PICALM: variants seen among roughly 807,000 people sequenced by gnomAD.
PICALM encodes the protein phosphatidylinositol-binding clathrin assembly protein.
PICALM carries 40 observed loss-of-function variants against 80.5 expected under a neutral mutation model. The ratio of observed to expected loss-of-function variants is 0.50; its 90% confidence interval spans 0.39 to 0.65. The LOEUF is 0.65. Ranked by LOEUF, PICALM falls within the 30% of genes least tolerant of loss-of-function variation. The probability of loss-of-function intolerance (pLI) is 0.00; values close to 1 mark genes in which losing one functional copy is unlikely to be tolerated. For synonymous variants in PICALM, 288 were observed against 260.3 expected (o/e 1.11, Z -1.02); for missense variants, 676 against 778.9 (o/e 0.87, Z 1.57).
intron 4 of PICALM, among the ~76,000 whole-genome samples, chr11:86,021,339 A>G (rs1191946415): frequency 1.3e-5 from 2 of 152,140 alleles, no homozygotes; most frequent in Non-Finnish European, 2.9e-5. Context: ...AATAAAAAAT[A>G]AAAACAGGGC....
At chr11:86,009,692 C>T (rs571598041) in intron 7 of PICALM, among the ~76,000 whole-genome samples, 123 of 150,916 alleles carry the variant, frequency 8.2e-4, no homozygotes, top group African/African-American at 3.0e-3. Context: ...GACTTCATCT[C>T]AAAAACAAAC....
intron 3 of PICALM, among the ~76,000 whole-genome samples, chr11:86,024,589 G>C (rs1267402577): frequency 6.6e-6 from 1 of 151,416 alleles, no homozygotes; most frequent in Non-Finnish European, 1.5e-5. Flanking sequence ...ATGCTTTCCT[G>C]GTAACACATA....
chr11:86,020,337 C>T (rs1468800382), intron 4 of PICALM, among the ~76,000 whole-genome samples: 1 of 150,252 alleles, frequency 6.7e-6, no homozygotes, highest in Non-Finnish European at 1.5e-5. Flanking sequence ...CACAAAATCC[C>T]AGCTATCTTT....
rs138656551 is a variant in PICALM, at chr11:86,003,302, G to A, written c.893+64C>T. 9.2e-6 allele frequency: 8 copies of A among 865,328 alleles called. No individual in the cohort carries two copies. The African/African-American group carries it at 1.3e-4, about 14-fold the overall frequency. 53.6% of individuals were successfully genotyped at this position (865,328 alleles called of 1,614,324 possible). ...AGAAATTAAACAGCTTGGAACTTGA[G>A]CTGGTTTCATCTACTGCCTCAGAAA... On this transcript the variant is annotated intron_variant, in intron 9 of 19. Transcript: ENST00000393346.
At chr11:85,965,802 A>ATTTTTTTTTTTTTTTT (rs1202220050) in intron 19 of PICALM, among the ~76,000 whole-genome samples, 1 of 105,758 alleles carries the variant, frequency 9.5e-6, no homozygotes, top group African/African-American at 3.6e-5. Flanking sequence ...TGCATTACCC[A>ATTTTTTTTTTTTTTTT]TTTTGTTTTT....
intron 12 of PICALM, among the ~76,000 whole-genome samples, chr11:85,990,761 G>A (rs2094745117): frequency 6.6e-6 from 1 of 152,064 alleles, no homozygotes. Flanking sequence ...GTGTTTACTT[G>A]AATAATTGAT....
rs1593400702 is a variant in PICALM, at chr11:86,053,939, A to T, written c.130+14712T>A. On this transcript the variant is annotated intron_variant, in intron 1 of 19. Coordinates refer to ENST00000393346, the MANE Select transcript of PICALM (RefSeq NM_007166.4). The stretch of plus-strand genomic sequence containing the variant: ...ACAAGTGACAATATATCATTTTCAG[A>T]TATATAAAAGTCACTAATTAAATCA... 2.0e-5 allele frequency among the ~76,000 whole-genome samples: 3 copies of T among 152,294 alleles called. 1 individual carries two copies. In the South Asian group the frequency reaches 6.2e-4, roughly 32 times the overall value.
chr11:86,039,172 A>C (rs2095901565), intron 1 of PICALM, among the ~76,000 whole-genome samples: 1 of 151,978 alleles, frequency 6.6e-6, no homozygotes, highest in Non-Finnish European at 1.5e-5. Flanking sequence ...TAGATATGCT[A>C]TTTCTGTCAC....
intron 1 of PICALM, among the ~76,000 whole-genome samples, chr11:86,046,017 TG>T (rs1218073340): frequency 6.6e-6 from 1 of 152,216 alleles, no homozygotes; most frequent in Non-Finnish European, 1.5e-5. Flanking sequence ...CCAGAGTGAC[TG>T]GGATTGGCAG....
In PICALM at chr11:86,013,923, T is replaced by A. The variant is rs139121349; in HGVS notation, c.546+947A>T. 2.6e-5 allele frequency among the ~76,000 whole-genome samples: 4 copies of A among 152,314 alleles called. No individual in the cohort carries two copies. The East Asian group carries it at 7.7e-4, about 29-fold the overall frequency. Reference sequence around the variant, plus strand: ...GAGCTTGGCTGTGTTCCAATAATACTATTGAGGACACTGAAGTTGGAATTT... The same window carrying A: ...GAGCTTGGCTGTGTTCCAATAATACAATTGAGGACACTGAAGTTGGAATTT... On this transcript the variant is annotated intron_variant, in intron 5 of 19. Transcript: ENST00000393346.
At chr11:85,976,940 C>T (rs1362217353) in intron 17 of PICALM, 1 of 272,106 alleles carries the variant, frequency 3.7e-6, no homozygotes, top group East Asian at 6.2e-5. Flanking sequence ...TTTCATCATG[C>T]TTTTTACAGC....
chr11:86,010,731 T>C (rs114579186), intron 7 of PICALM, among the ~76,000 whole-genome samples: 4 of 152,346 alleles, frequency 2.6e-5, no homozygotes, highest in African/African-American at 9.6e-5. Context: ...AATATATGGT[T>C]CATTCCAACC....
At chr11:85,982,127 T>C (rs1222713582) in intron 14 of PICALM, 124 bp from the exon 15 acceptor site, 1 of 775,544 alleles carries the variant, frequency 1.3e-6, no homozygotes, top group Non-Finnish European at 2.2e-6. Context: ...AAAATAGACA[T>C]TAGTAAATGT....
chr11:86,014,618 G>T (rs1198772517), intron 5 of PICALM, among the ~76,000 whole-genome samples: 6 of 152,106 alleles, frequency 3.9e-5, no homozygotes, highest in African/African-American at 1.2e-4. Context: ...TATATTTTCA[G>T]ATCAATCCTT....
rs560869542 is a variant in PICALM, at chr11:86,046,683, G to C, written c.131-15072C>G. Among the ~76,000 whole-genome samples, 23 of 152,250 alleles carry C rather than the reference G, an allele frequency of 1.5e-4. No homozygotes were observed. The East Asian group carries it at 4.3e-3, about 28-fold the overall frequency. ...CATAGATCCTTGCACTCAATCTTAA[G>C]AGTGGCAAAATCTTTATAATGCACA... On this transcript the variant is annotated intron_variant, in intron 1 of 19. Coordinates refer to ENST00000393346, the MANE Select transcript of PICALM (RefSeq NM_007166.4).
chr11:85,957,527 T>C lies in PICALM; in HGVS notation c.*1519A>G, dbSNP rs1264417164. Among the ~76,000 whole-genome samples the C allele has an allele frequency of 6.6e-6, 1 of 152,194 alleles. No individual in the cohort carries two copies. The highest frequency in any genetic ancestry group is 2.4e-5 in the African/African-American group (1 of 41,448). The stretch of plus-strand genomic sequence containing the variant: ...AGGTAACAAAAAGTGTAAAGAGACA[T>C]CTTTTTGAAAATTCATATAAAACAA... On this transcript the variant is annotated 3_prime_UTR_variant, in exon 20 of 20. Transcript: ENST00000393346.
intron 19 of PICALM, among the ~76,000 whole-genome samples, chr11:85,971,062 A>G (rs1261323711): frequency 6.6e-6 from 1 of 152,226 alleles, no homozygotes; most frequent in African/African-American, 2.4e-5. Flanking sequence ...CATGCAGAAC[A>G]AAGGAATTAC....
intron 4 of PICALM, among the ~76,000 whole-genome samples, chr11:86,016,826 G>A (rs2095487677): frequency 6.6e-6 from 1 of 152,114 alleles, no homozygotes; most frequent in Non-Finnish European, 1.5e-5. Flanking sequence ...AAACACATAA[G>A]CTCTCAGCTC....
At chr11:85,994,652 A>C (rs1346209419) in intron 12 of PICALM, among the ~76,000 whole-genome samples, 4 of 152,260 alleles carry the variant, frequency 2.6e-5, no homozygotes, top group African/African-American at 9.6e-5. Context: ...TAAGTGTTCA[A>C]GTAAATAGTT....
Sources: gnomAD v4.1 joint callset for allele counts (sites outside exome capture counted in the v4.1 genomes callset) on GRCh38, gnomAD v4.1.1 for gene constraint, MANE v1.5 for transcripts, NCBI Gene and HGNC (gene_info 2026-07-23, HGNC 2026-07-21) for gene names.